The following RBMS1 variants were observed in gnomAD, a reference collection of about 807,000 sequenced individuals.
RBMS1 encodes RNA-binding motif, single-stranded-interacting protein 1.
Under a neutral mutation model 62.3 loss-of-function variants are expected in RBMS1, and 17 were observed. The observed-to-expected ratio is 0.27, with a 90% CI of 0.19 to 0.41. The LOEUF (loss-of-function observed/expected upper bound fraction) is 0.41. Among genes scored for constraint, RBMS1 ranks in the 10% least tolerant of loss-of-function variants. The pLI is 1.00. For synonymous variants in RBMS1, 172 were observed against 170.0 expected, an observed-to-expected ratio of 1.01 and a Z score of -0.09; for missense variants, 334 against 504.5, an observed-to-expected ratio of 0.66 and a Z score of 3.24.
At chr2:160,455,277 TTTTG>T (rs1476400720) in intron 1 of RBMS1, among the ~76,000 whole-genome samples, 1 of 152,220 alleles carries the variant, frequency 6.6e-6, no homozygotes, top group African/African-American at 2.4e-5. Context: ...AGGCTGTTAT[TTTTG>T]TTTGTTTAGA....
intron 1 of RBMS1, among the ~76,000 whole-genome samples, chr2:160,374,373 C>A (rs1693884430): frequency 6.6e-6 from 1 of 152,136 alleles, no homozygotes; most frequent in African/African-American, 2.4e-5. Flanking sequence ...GATCATTCTT[C>A]ACAAAAGCCA....
chr2:160,277,394 G>T lies in RBMS1; in HGVS notation c.1063-11C>A. ...CGTTGCAGGCATGTACTAGAAAGAA[G>T]AATGAGGTCAGAATGGGCAATGGTA... On this transcript the variant is annotated splice_polypyrimidine_tract_variant and intron_variant, in intron 11 of 13. Coordinates refer to ENST00000348849, the MANE Select transcript of RBMS1 (RefSeq NM_016836.4). 1 of 1,604,126 alleles carries T rather than the reference G, an allele frequency of 6.2e-7. No homozygotes were observed. Among genetic ancestry groups the T allele is most frequent in the Non-Finnish European group, 8.5e-7 (1 of 1,171,016 alleles).
intron 1 of RBMS1, among the ~76,000 whole-genome samples, chr2:160,370,865 T>C (rs918443945): frequency 4.3e-5 from 6 of 140,602 alleles, no homozygotes; most frequent in Admixed American, 1.4e-4. Flanking sequence ...CTTTAATGTT[T>C]TTTAAGAAAG....
chr2:160,468,676 T>C (rs1684795738), intron 1 of RBMS1, among the ~76,000 whole-genome samples: 1 of 152,182 alleles, frequency 6.6e-6, no homozygotes, highest in Non-Finnish European at 1.5e-5. Flanking sequence ...TTAACTTCTA[T>C]TTGGGGCAGG....
chr2:160,450,556 T>TAGAA (rs1349442120), intron 1 of RBMS1, among the ~76,000 whole-genome samples: 1 of 9,562 alleles, frequency 1.0e-4, no homozygotes, highest in African/African-American at 2.6e-4. Flanking sequence ...AAATAAAAAA[T>TAGAA]AAAAAATGAA....
chr2:160,312,246 C>G (rs1026819840), intron 4 of RBMS1, among the ~76,000 whole-genome samples: 1 of 150,552 alleles, frequency 6.6e-6, no homozygotes, highest in East Asian at 1.9e-4. Context: ...GCATCTTAAA[C>G]TAACTTTCAG....
At position 160,278,673 on chromosome 2, in the gene RBMS1, A is replaced by G. The variant is rs1471852394; in HGVS notation, c.952-15T>C. 1 of 1,561,996 alleles carries G rather than the reference A, an allele frequency of 6.4e-7. No individual in the cohort carries two copies. The highest frequency in any genetic ancestry group is 1.4e-5 in the African/African-American group (1 of 73,584). On this transcript the variant is annotated splice_polypyrimidine_tract_variant and intron_variant, in intron 10 of 13. Transcript: ENST00000348849. ...AACACGGCACCCTGGGGAGTTGGAGACAGGAGCAAAATTAGACAAACTGAG... is the reference window on the plus strand; with the variant it reads ...AACACGGCACCCTGGGGAGTTGGAGGCAGGAGCAAAATTAGACAAACTGAG...
chr2:160,339,282 A>G (rs1481357464), intron 2 of RBMS1, among the ~76,000 whole-genome samples: 1 of 152,206 alleles, frequency 6.6e-6, no homozygotes, highest in Non-Finnish European at 1.5e-5. Context: ...TTCATTTTGA[A>G]TAACATGACC....
chr2:160,456,094 T>C (rs970019271), intron 1 of RBMS1, among the ~76,000 whole-genome samples: 2 of 152,198 alleles, frequency 1.3e-5, no homozygotes, highest in Non-Finnish European at 2.9e-5. Flanking sequence ...AGCAAGGACC[T>C]ACAGGCAATG....
intron 1 of RBMS1, among the ~76,000 whole-genome samples, chr2:160,469,093 C>T (rs1684812994): frequency 6.6e-6 from 1 of 152,182 alleles, no homozygotes; most frequent in African/African-American, 2.4e-5. Context: ...TTGGAATACC[C>T]TCATCCCTGA....
chr2:160,364,092 T>C (rs892586107), intron 2 of RBMS1, among the ~76,000 whole-genome samples: 7 of 152,326 alleles, frequency 4.6e-5, no homozygotes, highest in African/African-American at 1.7e-4. Flanking sequence ...GGCAAATATT[T>C]ATATGACAAA....
chr2:160,399,525 CTTTT>C (rs33978215), intron 1 of RBMS1, among the ~76,000 whole-genome samples: 2 of 149,464 alleles, frequency 1.3e-5, no homozygotes, highest in Non-Finnish European at 3.0e-5. Flanking sequence ...TTCCTGTATG[CTTTT>C]TTTTTTTTTA....
intron 1 of RBMS1, among the ~76,000 whole-genome samples, chr2:160,488,961 G>A (rs753989829): frequency 1.3e-5 from 2 of 152,118 alleles, no homozygotes; most frequent in Non-Finnish European, 2.9e-5. Flanking sequence ...TATATTACAT[G>A]GAAATTCCCC....
At chr2:160,410,221 C>CA (rs575199475) in intron 1 of RBMS1, among the ~76,000 whole-genome samples, 14,949 of 67,818 alleles carry the variant, frequency 0.22, 3,117 homozygotes, top group Admixed American at 0.29. Context: ...GACCCCGTCT[C>CA]AAAAAAAAAA....
chr2:160,380,383 A>G (rs560625218), intron 1 of RBMS1, among the ~76,000 whole-genome samples: 3 of 152,298 alleles, frequency 2.0e-5, no homozygotes, highest in South Asian at 2.1e-4. Flanking sequence ...CCCAGAGGAC[A>G]GGGCAGACAG....
intron 1 of RBMS1, among the ~76,000 whole-genome samples, chr2:160,395,755 C>T (rs917361101): frequency 6.6e-6 from 1 of 151,954 alleles, no homozygotes; most frequent in Non-Finnish European, 1.5e-5. Flanking sequence ...CTTTATCTTA[C>T]ATTAACTCTT....
intron 1 of RBMS1, among the ~76,000 whole-genome samples, chr2:160,426,290 A>AAAG (rs1248344627): frequency 0.026 from 1,723 of 65,740 alleles, 7 homozygotes; most frequent in East Asian, 0.038. Context: ...AGAAAGAAAG[A>AAAG]AAAGAAAGAA....
At chr2:160,318,279 A>G (rs1380215422) in intron 2 of RBMS1, 52 bp from the exon 3 acceptor site, 4 of 1,485,986 alleles carry the variant, frequency 2.7e-6, no homozygotes, top group East Asian at 2.6e-5. Context: ...AAGAAAAAGA[A>G]GTTATAAGGA....
chr2:160,479,016 G>A (rs1352414817), intron 1 of RBMS1, among the ~76,000 whole-genome samples: 1 of 152,216 alleles, frequency 6.6e-6, no homozygotes, highest in African/African-American at 2.4e-5. Flanking sequence ...GGCTTCAACA[G>A]AGAGAGGTGG....
Sources: gnomAD v4.1 joint callset for allele counts (sites outside exome capture counted in the v4.1 genomes callset) on GRCh38, gnomAD v4.1.1 for gene constraint, MANE v1.5 for transcripts, NCBI Gene and HGNC (gene_info 2026-07-23, HGNC 2026-07-21) for gene names.